NLRP5: variants seen among roughly 807,000 people sequenced by gnomAD.
The protein encoded by NLRP5 is NACHT, LRR and PYD domains-containing protein 5.
In NLRP5, 93 loss-of-function variants were observed where a neutral mutation model predicts 113.1. That is an observed-to-expected ratio of 0.82 (90% CI 0.70 to 0.98). NLRP5 has a LOEUF of 0.98. Among genes scored for constraint, NLRP5 ranks in the 50% least tolerant of loss-of-function variants. The pLI is 0.00. For synonymous variants in NLRP5, 751 were observed against 600.7 expected (o/e 1.25, Z -3.66); for missense variants, 1,808 against 1,514.3 (o/e 1.19, Z -3.22).
At chr19:56,032,562 A>G (rs757971010) in intron 7 of NLRP5, 49 bp from the exon 8 acceptor site, 1 of 1,552,232 alleles carries the variant, frequency 6.4e-7, no homozygotes, top group Non-Finnish European at 8.8e-7. Context: ...ACGACTGCTC[A>G]TGTTAAACTC....
chr19:56,007,130 AG>A (rs1325001149), intron 2 of NLRP5, among the ~76,000 whole-genome samples: 1 of 151,470 alleles, frequency 6.6e-6, no homozygotes, highest in Non-Finnish European at 1.5e-5. Flanking sequence ...TGAGAGTCCT[AG>A]GCGGGCGGAT....
At chr19:56,053,927 G>A (rs1599912366) in intron 13 of NLRP5, 119 bp downstream of exon 13, 1 of 887,856 alleles carries the variant, frequency 1.1e-6, no homozygotes. Flanking sequence ...CAAGTTAGAT[G>A]GAGTGCAACC....
chr19:56,046,865 G>A (rs4439865), intron 11 of NLRP5, among the ~76,000 whole-genome samples: 55,839 of 152,046 alleles, frequency 0.37, 10,699 homozygotes, highest in Non-Finnish European at 0.43. Context: ...GTAGAATTCT[G>A]TGAATCCGTC....
At chr19:56,042,420 T>A (rs1382224032) in intron 11 of NLRP5, among the ~76,000 whole-genome samples, 1 of 152,118 alleles carries the variant, frequency 6.6e-6, no homozygotes, top group Non-Finnish European at 1.5e-5. Flanking sequence ...CTCAGCTCAC[T>A]GCAACCTCCA....
chr19:56,059,969 T>TG (rs1214306621), intron 14 of NLRP5, among the ~76,000 whole-genome samples: 1 of 152,182 alleles, frequency 6.6e-6, no homozygotes, highest in African/African-American at 2.4e-5. Context: ...AGAGTGGCTG[T>TG]GGTAGACCCT....
At chr19:56,033,279 T>C (rs1983193422) in intron 8 of NLRP5, among the ~76,000 whole-genome samples, 1 of 152,050 alleles carries the variant, frequency 6.6e-6, no homozygotes, top group Non-Finnish European at 1.5e-5. Context: ...AACCTTGTGC[T>C]GATGTTACTG....
At chr19:56,024,702 G>C (rs1179319196) in intron 6 of NLRP5, among the ~76,000 whole-genome samples, 2 of 151,434 alleles carry the variant, frequency 1.3e-5, no homozygotes, top group East Asian at 3.9e-4. Flanking sequence ...AGGCTGCAGT[G>C]AGCCAAGATC....
Position 56,027,207 on chromosome 19 carries a change from A to T in NLRP5, c.974A>T (p.Gln325Leu). The change falls in exon 7 of 15, where the codon CAG becomes CTG. Residue 325 changes from glutamine (Q) to leucine (L), a missense_variant. Transcript: ENST00000390649. ...TTCTTCCTCCCCGTTAGAGAGATGC[A>T]GCGGAAGAAGGAGAGCAGTGTCACA... The T allele has an allele frequency of 1.2e-6, 2 of 1,611,606 alleles. No homozygotes were observed. Among genetic ancestry groups the T allele is most frequent in the Non-Finnish European group, 8.5e-7 (1 of 1,178,998 alleles).
intron 3 of NLRP5, among the ~76,000 whole-genome samples, chr19:56,009,076 T>C (rs1231198389): frequency 6.6e-6 from 1 of 152,056 alleles, no homozygotes; most frequent in Non-Finnish European, 1.5e-5. Flanking sequence ...TAGTGGCTCA[T>C]GCCTGTAATC....
chr19:56,024,396 A>G (rs991756071), intron 6 of NLRP5, among the ~76,000 whole-genome samples: 2 of 122,972 alleles, frequency 1.6e-5, no homozygotes, highest in Admixed American at 8.2e-5. Flanking sequence ...ACATATATAC[A>G]TATATGTACA....
the NLRP5 span, among the ~76,000 whole-genome samples, chr19:55,986,905 G>A: frequency 7.2e-5 from 11 of 152,274 alleles, no homozygotes; most frequent in African/African-American, 2.6e-4. Context: ...GAGCTTACTA[G>A]GTGCCCCCAC....
chr19:56,051,909 C>T (rs1167313524), intron 12 of NLRP5, among the ~76,000 whole-genome samples: 5 of 152,134 alleles, frequency 3.3e-5, no homozygotes, highest in African/African-American at 1.2e-4. Flanking sequence ...AAATAAAGGA[C>T]TTTGGTATGG....
intron 7 of NLRP5, among the ~76,000 whole-genome samples, chr19:56,032,368 T>C (rs968425697): frequency 6.7e-6 from 1 of 150,220 alleles, no homozygotes; most frequent in Non-Finnish European, 1.5e-5. Context: ...AAAGATCTGA[T>C]TCAGGAGCTG....
chr19:56,008,068 A>G (rs1038257168), intron 2 of NLRP5, among the ~76,000 whole-genome samples: 9 of 135,326 alleles, frequency 6.7e-5, no homozygotes, highest in African/African-American at 2.4e-4. Context: ...AGCTGGGACT[A>G]CAGGCGCCCG....
intron 10 of NLRP5, among the ~76,000 whole-genome samples, chr19:56,040,010 G>C (rs1333012605): frequency 1.3e-5 from 2 of 152,124 alleles, no homozygotes; most frequent in South Asian, 4.1e-4. Flanking sequence ...GAGTACAGTG[G>C]CACAATCACA....
intron 2 of NLRP5, among the ~76,000 whole-genome samples, chr19:56,005,068 T>C (rs1013871935): frequency 9.9e-5 from 14 of 141,866 alleles, no homozygotes; most frequent in African/African-American, 3.7e-4. Flanking sequence ...CACTCCAGCC[T>C]GGGCAACGGA....
rs1981746407 is a variant in NLRP5, at chr19:56,003,801, A to G, written c.148A>G (p.Ile50Val). 1 of 1,613,890 alleles carries G rather than the reference A, an allele frequency of 6.2e-7. No individual in the cohort carries two copies. Among genetic ancestry groups the G allele is most frequent in the Non-Finnish European group, 8.5e-7 (1 of 1,179,908 alleles). Residue 50 changes from isoleucine (I) to valine (V), a missense_variant, in exon 2 of 15, where the codon ATC (isoleucine) becomes GTC (valine). Transcript: ENST00000390649. Reference sequence around the variant, plus strand: ...CCAAAACCTGAGCTCTCAGCCTTGTATCAAGATGGAAGGAGACAAATCGCT... The same window carrying G: ...CCAAAACCTGAGCTCTCAGCCTTGTGTCAAGATGGAAGGAGACAAATCGCT...
the NLRP5 span, among the ~76,000 whole-genome samples, chr19:55,994,625 T>C: frequency 2.6e-5 from 4 of 152,208 alleles, no homozygotes; most frequent in Non-Finnish European, 5.9e-5. Context: ...CTCGATCTCC[T>C]GACCTCATGA....
At chr19:56,058,016 G>A (rs1160659669) in intron 13 of NLRP5, among the ~76,000 whole-genome samples, 2 of 136,260 alleles carry the variant, frequency 1.5e-5, no homozygotes, top group Non-Finnish European at 3.1e-5. Context: ...CAACAAGAGT[G>A]AAATGCTATC....
Sources: gnomAD v4.1 joint callset for allele counts (sites outside exome capture counted in the v4.1 genomes callset) on GRCh38, gnomAD v4.1.1 for gene constraint, MANE v1.5 for transcripts, NCBI Gene and HGNC (gene_info 2026-07-23, HGNC 2026-07-21) for gene names.